Variants in MYO16 observed in about 807,000 individuals in gnomAD.
MYO16 encodes myosin XVI, also known as unconventional myosin-XVI.
MYO16 carries 94 observed loss-of-function variants against 205.3 expected under a neutral mutation model. The observed-to-expected ratio is 0.46, with a 90% confidence interval of 0.39 to 0.54. The LOEUF (loss-of-function observed/expected upper bound fraction) is 0.54. MYO16 is among the 20% of genes least tolerant of loss of function. The pLI is 0.00. For missense variants in MYO16, 2,315 were observed against 2,387.5 expected (o/e 0.97, Z 0.63); for synonymous variants, 988 against 954.0 (o/e 1.04, Z -0.66).
At chr13:108,672,362 A>G (rs992483422) in intron 2 of MYO16, among the ~76,000 whole-genome samples, 1 of 152,210 alleles carries the variant, frequency 6.6e-6, no homozygotes, top group Non-Finnish European at 1.5e-5. Context: ...ATTATTGTTT[A>G]AACTTGCAGA....
chr13:108,864,138 C>T (rs984417572), intron 11 of MYO16, among the ~76,000 whole-genome samples: 4 of 151,678 alleles, frequency 2.6e-5, no homozygotes, highest in African/African-American at 4.8e-5. Flanking sequence ...TCACCCTATT[C>T]CATTGATTTC....
At chr13:109,105,715 TG>T (rs1566508671) in intron 28 of MYO16, among the ~76,000 whole-genome samples, 1 of 152,266 alleles carries the variant, frequency 6.6e-6, no homozygotes, top group Non-Finnish European at 1.5e-5. Context: ...CACTGCATTT[TG>T]CACCAAAACA....
At chr13:108,844,719 T>TA (rs961327818) in intron 10 of MYO16, among the ~76,000 whole-genome samples, 7 of 98,930 alleles carry the variant, frequency 7.1e-5, no homozygotes, top group African/African-American at 2.8e-4. Flanking sequence ...TTTTGACTTA[T>TA]AACCAGGAAT....
chr13:108,702,084 T>A (rs1237775809), intron 2 of MYO16, among the ~76,000 whole-genome samples: 2 of 151,904 alleles, frequency 1.3e-5, no homozygotes, highest in Non-Finnish European at 2.9e-5. Context: ...AGTGTACCAA[T>A]GTACATAATG....
chr13:108,887,916 A>G (rs1297990245), intron 13 of MYO16, among the ~76,000 whole-genome samples: 2 of 151,896 alleles, frequency 1.3e-5, no homozygotes, highest in African/African-American at 4.8e-5. Flanking sequence ...TCCCAAGGCC[A>G]TGTGTGAGCC....
chr13:108,943,944 G>A (rs1009053860), intron 16 of MYO16, among the ~76,000 whole-genome samples: 2 of 152,196 alleles, frequency 1.3e-5, no homozygotes, highest in African/African-American at 4.8e-5. Context: ...TTCAGTTTCC[G>A]CAGGAAGAGA....
At chr13:108,585,052 AT>A in the MYO16 span, among the ~76,000 whole-genome samples, 3 of 152,222 alleles carry the variant, frequency 2.0e-5, no homozygotes, top group East Asian at 5.8e-4. Context: ...TTGGGAAGAT[AT>A]TCTAAGTACT....
At chr13:108,569,536 G>A in the MYO16 span, among the ~76,000 whole-genome samples, 17 of 152,194 alleles carry the variant, frequency 1.1e-4, no homozygotes, top group South Asian at 3.5e-3. Context: ...AGTTCTGATA[G>A]ATTTATGGTG....
chr13:108,530,203 A>G, the MYO16 span, among the ~76,000 whole-genome samples: 1 of 152,324 alleles, frequency 6.6e-6, no homozygotes, highest in South Asian at 2.1e-4. Flanking sequence ...GAGAGAGAAG[A>G]ACTGGGAGGG....
intron 1 of MYO16, among the ~76,000 whole-genome samples, chr13:108,597,814 A>G (rs986331926): frequency 6.6e-6 from 1 of 152,202 alleles, no homozygotes; most frequent in Admixed American, 6.5e-5. Context: ...TTTCATAACC[A>G]TTGTAAGGTC....
chr13:108,639,569 T>C (rs1292568867), intron 1 of MYO16, among the ~76,000 whole-genome samples: 1 of 152,182 alleles, frequency 6.6e-6, no homozygotes, highest in African/African-American at 2.4e-5. Flanking sequence ...CTGAATGACA[T>C]AGGAGCCATA....
intron 1 of MYO16, among the ~76,000 whole-genome samples, chr13:108,609,015 A>G (rs1470513882): frequency 6.6e-6 from 1 of 152,168 alleles, no homozygotes; most frequent in Non-Finnish European, 1.5e-5. Flanking sequence ...TTTGAAGGAC[A>G]TTGAAAGGTA....
the MYO16 span, among the ~76,000 whole-genome samples, chr13:108,521,322 C>T: frequency 6.6e-6 from 1 of 152,268 alleles, no homozygotes; most frequent in South Asian, 2.1e-4. Flanking sequence ...AAGACAGATA[C>T]AATTAAGTGA....
chr13:108,932,121 C>T (rs1288682944), intron 16 of MYO16, among the ~76,000 whole-genome samples: 3 of 152,172 alleles, frequency 2.0e-5, no homozygotes, highest in Non-Finnish European at 4.4e-5. Context: ...ATTTTAATTT[C>T]AATGACTTTT....
At chr13:108,500,079 C>G in the MYO16 span, among the ~76,000 whole-genome samples, 146,962 of 151,580 alleles carry the variant, frequency 0.97, 71,414 homozygotes, top group East Asian at 1. Flanking sequence ...ATGTGCCTGG[C>G]CTCCACGTCT....
At chr13:108,786,440 G>C (rs1158919580) in intron 5 of MYO16, among the ~76,000 whole-genome samples, 1 of 152,094 alleles carries the variant, frequency 6.6e-6, no homozygotes, top group Non-Finnish European at 1.5e-5. Context: ...TTCCCCTGCT[G>C]TTTAGGTATA....
chr13:108,540,389 T>A, the MYO16 span, among the ~76,000 whole-genome samples: 1 of 152,096 alleles, frequency 6.6e-6, no homozygotes, highest in Non-Finnish European at 1.5e-5. Context: ...TGGAAAAACT[T>A]TTTTTGGCCC....
At chr13:109,013,193 A>G (rs1350908859) in intron 22 of MYO16, among the ~76,000 whole-genome samples, 1 of 139,582 alleles carries the variant, frequency 7.2e-6, no homozygotes, top group African/African-American at 2.7e-5. Flanking sequence ...TTGAGTTCCC[A>G]CCTATGAGTG....
At chr13:108,649,620 C>T (rs184067895) in intron 1 of MYO16, among the ~76,000 whole-genome samples, 1 of 152,272 alleles carries the variant, frequency 6.6e-6, no homozygotes, top group East Asian at 1.9e-4. Flanking sequence ...CAAGGTAGAA[C>T]CATTGACTAT....
Sources: allele counts gnomAD v4.1 joint callset (sites outside exome capture counted in the v4.1 genomes callset), GRCh38; gene constraint gnomAD v4.1.1; transcripts MANE v1.5; gene names NCBI Gene and HGNC (gene_info 2026-07-23, HGNC 2026-07-21).